Variants in TFDP2 observed in about 807,000 individuals in gnomAD.
The protein encoded by TFDP2 is transcription factor Dp-2 (E2F dimerization partner 2).
In TFDP2, 17 loss-of-function variants were observed where a neutral mutation model predicts 59.3. The observed-to-expected ratio is 0.29, with a 90% confidence interval of 0.20 to 0.43. TFDP2 has a LOEUF of 0.43. Among genes scored for constraint, TFDP2 ranks in the 20% least tolerant of loss-of-function variants. The pLI, the probability that TFDP2 is intolerant of heterozygous loss-of-function variation, is 1.00. For missense variants in TFDP2, 391 were observed against 528.8 expected (o/e 0.74, Z 2.56); for synonymous variants, 180 against 194.7 (o/e 0.92, Z 0.63).
At chr3:141,979,037 T>C (rs1199412882) in intron 6 of TFDP2, among the ~76,000 whole-genome samples, 1 of 152,230 alleles carries the variant, frequency 6.6e-6, no homozygotes, top group Non-Finnish European at 1.5e-5. Context: ...CTACTCTATG[T>C]AGATTATAGT....
At chr3:142,053,638 A>G (rs989364007) in intron 3 of TFDP2, among the ~76,000 whole-genome samples, 2 of 152,246 alleles carry the variant, frequency 1.3e-5, no homozygotes, top group Admixed American at 1.3e-4. Context: ...AGACTGAGAA[A>G]GTAGAACCTC....
rs60828373 is a variant in TFDP2 at position 142,109,386 on chromosome 3, C to T, written c.-92-7545G>A. On this transcript the variant is annotated intron_variant, in intron 1 of 12. Coordinates refer to ENST00000489671, the MANE Select transcript of TFDP2 (RefSeq NM_001178139.2). ...CGCTGTCACCCAGGCTAGAGGGCAA[C>T]GGTGCGATCTCGGCTCAGTGAAACC... 3.0e-3 allele frequency among the ~76,000 whole-genome samples: 452 copies of T among 148,594 alleles called. 5 individuals carry two copies. Among genetic ancestry groups the T allele is most frequent in the African/African-American group, 0.01 (415 of 40,480 alleles).
At chr3:142,100,857 A>C (rs2061297763) in intron 2 of TFDP2, among the ~76,000 whole-genome samples, 1 of 152,210 alleles carries the variant, frequency 6.6e-6, no homozygotes, top group Non-Finnish European at 1.5e-5. Flanking sequence ...ATGAGAAATG[A>C]AAACCAAATA....
At chr3:142,045,154 C>CTT (rs566115352) in intron 3 of TFDP2, among the ~76,000 whole-genome samples, 38 of 137,740 alleles carry the variant, frequency 2.8e-4, no homozygotes, top group East Asian at 1.0e-3. Flanking sequence ...AATCTCTTTC[C>CTT]TTTTTTTTTT....
intron 1 of TFDP2, among the ~76,000 whole-genome samples, chr3:142,138,263 CCTCTTT>C (rs1403924220): frequency 6.6e-6 from 1 of 151,830 alleles, no homozygotes; most frequent in African/African-American, 2.4e-5. Flanking sequence ...ATTCTTCTCT[CCTCTTT>C]ATTAGTCTTG....
chr3:141,967,282 A>T (rs1473626810), intron 9 of TFDP2, among the ~76,000 whole-genome samples: 2 of 150,496 alleles, frequency 1.3e-5, no homozygotes, highest in Non-Finnish European at 3.0e-5. Flanking sequence ...TGCTAGGAGG[A>T]AATAAGTTTT....
At chr3:142,071,906 T>C (rs1162707422) in intron 3 of TFDP2, among the ~76,000 whole-genome samples, 1 of 152,174 alleles carries the variant, frequency 6.6e-6, no homozygotes, top group Admixed American at 6.6e-5. Context: ...CAATAGGCTG[T>C]CGGATATACA....
intron 3 of TFDP2, among the ~76,000 whole-genome samples, chr3:142,027,712 A>C (rs1489991815): frequency 6.6e-6 from 1 of 152,212 alleles, no homozygotes; most frequent in African/African-American, 2.4e-5. Flanking sequence ...GCAAACTTCA[A>C]GGGTATAATT....
intron 1 of TFDP2, among the ~76,000 whole-genome samples, chr3:142,125,016 G>A (rs7643431): frequency 0.043 from 6,569 of 152,004 alleles, 155 homozygotes; most frequent in South Asian, 0.06. Context: ...GACAACATAA[G>A]GTGATTCCAT....
rs1333647918 is a variant in TFDP2 at position 141,968,414 on chromosome 3, CAT to C, written c.732+1657_732+1658del. ...TATAACATATATATCATATATATAA[CAT>C]ATATATCTCATATATAGATATATAT... is the stretch of plus-strand genomic sequence containing the variant. On this transcript the variant is annotated intron_variant, in intron 9 of 12. Transcript: ENST00000489671. Among the ~76,000 whole-genome samples, 52 of 103,696 alleles carry C rather than the reference CAT, an allele frequency of 5.0e-4. 7 individuals are homozygous for C. The highest frequency in any genetic ancestry group is 1.8e-3 in the African/African-American group (48 of 26,080). The allele number at this position is 103,696 out of a possible 152,430, so 68.0% of individuals were successfully genotyped here. A position where few individuals can be genotyped will look rare whatever the true frequency, so the allele number is the denominator to read the frequency against.
intron 4 of TFDP2, 121 bp from the exon 5 acceptor site, chr3:141,995,262 T>C: frequency 1.4e-6 from 1 of 698,578 alleles, no homozygotes; most frequent in Non-Finnish European, 2.1e-6. Flanking sequence ...AGGCACTTAA[T>C]GTCAGTCATC....
chr3:142,074,261 T>G (rs2108557969), intron 3 of TFDP2, among the ~76,000 whole-genome samples: 1 of 151,688 alleles, frequency 6.6e-6, no homozygotes, highest in Non-Finnish European at 1.5e-5. Context: ...ATACAAAAAC[T>G]AGCCAGGCAT....
At position 142,067,832 on chromosome 3, in the gene TFDP2, G is replaced by A. The variant is rs575681444; in HGVS notation, c.82+25229C>T. Among the ~76,000 whole-genome samples, 3 of 152,022 alleles carry A rather than the reference G, an allele frequency of 2.0e-5. No homozygotes were observed. The South Asian group carries it at 6.2e-4, about 32-fold the overall frequency. On this transcript the variant is annotated intron_variant, in intron 3 of 12. Transcript: ENST00000489671. ...AGCCTAGGCAACAAAGTGAGACCCT[G>A]TCTCTACAAACAAATTTAAAAATTA...
chr3:141,973,124 T>TATATATATATATATATATA (rs1553761667), intron 8 of TFDP2, among the ~76,000 whole-genome samples: 5 of 55,368 alleles, frequency 9.0e-5, no homozygotes, highest in African/African-American at 2.8e-4. Context: ...TATATATATA[T>TATATATATATATATATATA]TTTTTTTTTT....
chr3:141,981,128 T>C (rs1941444306), intron 6 of TFDP2, among the ~76,000 whole-genome samples: 1 of 152,144 alleles, frequency 6.6e-6, no homozygotes, highest in Admixed American at 6.6e-5. Context: ...TAAAGGTGTA[T>C]CATTAAAAAA....
In TFDP2 at chr3:142,052,373, TA is replaced by T. The variant is rs62921761; in HGVS notation, c.82+40687del. The stretch of plus-strand genomic sequence containing the variant: ...TAACACGGTGAAACCCTGCCTCTAC[TA>T]AAAAAAAAAAATACAAAAAAATTAG... On this transcript the variant is annotated intron_variant, in intron 3 of 12. Transcript: ENST00000489671. Among the ~76,000 whole-genome samples the T allele has an allele frequency of 4.0e-4, 57 of 144,202 alleles. No homozygotes were observed. The South Asian group carries it at 4.2e-3, about 11-fold the overall frequency. 94.6% of individuals were successfully genotyped at this position (144,202 alleles called of 152,430 possible). A position where few individuals can be genotyped will look rare whatever the true frequency, so the allele number is the denominator to read the frequency against.
chr3:142,058,322 T>G (rs569100487), intron 3 of TFDP2, among the ~76,000 whole-genome samples: 2 of 150,862 alleles, frequency 1.3e-5, no homozygotes, highest in African/African-American at 4.8e-5. Flanking sequence ...TGTTTGGGTT[T>G]TTTTTTTTTT....
chr3:142,135,255 C>A (rs971370860), intron 1 of TFDP2, among the ~76,000 whole-genome samples: 10 of 152,008 alleles, frequency 6.6e-5, no homozygotes, highest in African/African-American at 2.4e-4. Flanking sequence ...ATAGGCTGTG[C>A]CACTGTGCCC....
intron 3 of TFDP2, among the ~76,000 whole-genome samples, chr3:142,037,003 G>A (rs1237823742): frequency 6.6e-6 from 1 of 152,140 alleles, no homozygotes; most frequent in East Asian, 1.9e-4. Flanking sequence ...GACTCTCTAT[G>A]ACCTCGAGTG....
Sources: allele counts gnomAD v4.1 joint callset (sites outside exome capture counted in the v4.1 genomes callset), GRCh38; gene constraint gnomAD v4.1.1; transcripts MANE v1.5; gene names NCBI Gene and HGNC (gene_info 2026-07-23, HGNC 2026-07-21).